Variants in NXPH1 observed in about 807,000 individuals in gnomAD.
NXPH1 encodes the protein neurexophilin-1.
NXPH1 carries 5 observed loss-of-function variants against 23.7 expected under a neutral mutation model. That is an observed-to-expected ratio of 0.21 (90% CI 0.11 to 0.44). NXPH1 has a LOEUF of 0.44. Among genes scored for constraint, NXPH1 ranks in the 20% least tolerant of loss-of-function variants. NXPH1 has a pLI of 0.99. For synonymous variants in NXPH1, 144 were observed against 122.2 expected (o/e 1.18, Z -1.18); for missense variants, 324 against 321.6 (o/e 1.01, Z -0.06).
Position 8,519,184 on chromosome 7 carries a change from G to A in NXPH1, c.54+83417G>A, listed in dbSNP as rs532101467. On this transcript the variant is annotated intron_variant, in intron 2 of 2. Transcript: ENST00000405863. ...TTGCCAAGAATAGACAATATATTTTGTATACTCTATAAGGGAAGATTTCCT... is the reference window on the plus strand; with the variant it reads ...TTGCCAAGAATAGACAATATATTTTATATACTCTATAAGGGAAGATTTCCT... 3.3e-5 allele frequency among the ~76,000 whole-genome samples: 5 copies of A among 152,088 alleles called. No homozygotes were observed. The East Asian group carries it at 5.8e-4, about 18-fold the overall frequency.
chr7:8,624,314 G>A (rs145877041), intron 2 of NXPH1, among the ~76,000 whole-genome samples: 1 of 152,144 alleles, frequency 6.6e-6, no homozygotes, highest in Non-Finnish European at 1.5e-5. Context: ...TGTTTCCAGT[G>A]AATATGAGCT....
chr7:8,554,282 A>G (rs747080158), intron 2 of NXPH1, among the ~76,000 whole-genome samples: 1 of 151,684 alleles, frequency 6.6e-6, no homozygotes, highest in African/African-American at 2.4e-5. Flanking sequence ...AGCCAGGGGC[A>G]ATCCTTCAGT....
At chr7:8,614,455 T>G (rs1194156056) in intron 2 of NXPH1, among the ~76,000 whole-genome samples, 3 of 151,896 alleles carry the variant, frequency 2.0e-5, no homozygotes, top group African/African-American at 7.2e-5. Flanking sequence ...TATATGTAGA[T>G]ATATGTATAT....
At chr7:8,551,892 G>A (rs978118453) in intron 2 of NXPH1, among the ~76,000 whole-genome samples, 4 of 151,332 alleles carry the variant, frequency 2.6e-5, no homozygotes, top group African/African-American at 4.8e-5. Flanking sequence ...CACCAAGTCA[G>A]CTTCCAATTT....
intron 2 of NXPH1, among the ~76,000 whole-genome samples, chr7:8,494,001 T>C (rs570659979): frequency 2.6e-5 from 4 of 152,138 alleles, no homozygotes; most frequent in African/African-American, 7.2e-5. Context: ...AGTTAGTTGA[T>C]TTTTATAATC....
chr7:8,462,818 A>G (rs1409808335), intron 2 of NXPH1, among the ~76,000 whole-genome samples: 1 of 152,202 alleles, frequency 6.6e-6, no homozygotes, highest in African/African-American at 2.4e-5. Context: ...TATCACTGTT[A>G]TTTATCTGTG....
intron 2 of NXPH1, among the ~76,000 whole-genome samples, chr7:8,654,708 A>G (rs764924717): frequency 6.6e-6 from 1 of 152,010 alleles, no homozygotes; most frequent in Non-Finnish European, 1.5e-5. Flanking sequence ...ATAGACACAT[A>G]CTTTATGTTT....
At chr7:8,743,403 T>C (rs1191321883) in intron 2 of NXPH1, among the ~76,000 whole-genome samples, 3 of 119,184 alleles carry the variant, frequency 2.5e-5, no homozygotes, top group African/African-American at 5.3e-5. Context: ...AAAAGAGATA[T>C]ACAAATGTTT....
chr7:8,459,134 T>G (rs913247592), intron 2 of NXPH1, among the ~76,000 whole-genome samples: 1 of 152,018 alleles, frequency 6.6e-6, no homozygotes, highest in Non-Finnish European at 1.5e-5. Context: ...AATGAACATC[T>G]TGGGTTGTCT....
chr7:8,519,510 C>A (rs1563334106), intron 2 of NXPH1, among the ~76,000 whole-genome samples: 1 of 152,008 alleles, frequency 6.6e-6, no homozygotes, highest in African/African-American at 2.4e-5. Context: ...TAAGGGATTC[C>A]AAGGAAATAA....
At chr7:8,732,729 A>C (rs1048581987) in intron 2 of NXPH1, among the ~76,000 whole-genome samples, 2 of 152,120 alleles carry the variant, frequency 1.3e-5, no homozygotes, top group African/African-American at 2.4e-5. Flanking sequence ...AATATAAAAT[A>C]TAAGCTATTT....
chr7:8,678,051 G>T (rs1820980499), intron 2 of NXPH1, among the ~76,000 whole-genome samples: 1 of 152,076 alleles, frequency 6.6e-6, no homozygotes, highest in Admixed American at 6.5e-5. Flanking sequence ...AGAATAATTA[G>T]GATTAGTTAA....
chr7:8,552,000 G>A (rs1273172157), intron 2 of NXPH1, among the ~76,000 whole-genome samples: 1 of 149,912 alleles, frequency 6.7e-6, no homozygotes, highest in Non-Finnish European at 1.5e-5. Context: ...AAAAGACACA[G>A]TTTGCTTAGC....
At chr7:8,580,157 T>C (rs895632193) in intron 2 of NXPH1, among the ~76,000 whole-genome samples, 1 of 152,172 alleles carries the variant, frequency 6.6e-6, no homozygotes, top group African/African-American at 2.4e-5. Flanking sequence ...TGGACGGGAC[T>C]TATGACCTTC....
At chr7:8,748,942 A>G (rs1379272995) in intron 2 of NXPH1, among the ~76,000 whole-genome samples, 1 of 152,182 alleles carries the variant, frequency 6.6e-6, no homozygotes, top group African/African-American at 2.4e-5. Flanking sequence ...GAACAGGCAA[A>G]TAGGAGACTG....
At position 8,682,260 on chromosome 7, in the gene NXPH1, C is replaced by T. The variant is rs562382413; in HGVS notation, c.55-68748C>T. On this transcript the variant is annotated intron_variant, in intron 2 of 2. Transcript: ENST00000405863. ...GGCCTTAGAAATAGTAATTCTCAAA[C>T]CTAGCCGTGCCTCAGAAGTTCTTTG... Among the ~76,000 whole-genome samples, 95 of 152,278 alleles carry T rather than the reference C, an allele frequency of 6.2e-4. 3 individuals are homozygous for T. The South Asian group carries it at 0.019, about 31-fold the overall frequency.
At chr7:8,436,263 T>C (rs1174238846) in intron 2 of NXPH1, among the ~76,000 whole-genome samples, 1 of 152,162 alleles carries the variant, frequency 6.6e-6, no homozygotes, top group Non-Finnish European at 1.5e-5. Flanking sequence ...CTTTGACTTG[T>C]AAGGGTTCCG....
chr7:8,530,902 T>C (rs1010925013), intron 2 of NXPH1, among the ~76,000 whole-genome samples: 1 of 152,228 alleles, frequency 6.6e-6, no homozygotes, highest in African/African-American at 2.4e-5. Context: ...AAATTATACA[T>C]GTTTTTGAGG....
intron 2 of NXPH1, among the ~76,000 whole-genome samples, chr7:8,656,353 C>T (rs1397807501): frequency 2.6e-5 from 4 of 152,070 alleles, no homozygotes; most frequent in Non-Finnish European, 4.4e-5. Context: ...TTAATATATG[C>T]TAGACACTGA....
Sources: allele counts gnomAD v4.1 joint callset (sites outside exome capture counted in the v4.1 genomes callset), GRCh38; gene constraint gnomAD v4.1.1; transcripts MANE v1.5; gene names NCBI Gene and HGNC (gene_info 2026-07-23, HGNC 2026-07-21).